The following TMEM178B variants were observed in gnomAD, a reference collection of about 807,000 sequenced individuals.
TMEM178B encodes the protein transmembrane protein 178B.
TMEM178B carries 5 observed loss-of-function variants against 31.0 expected under a neutral mutation model. The observed-to-expected ratio is 0.16, with a 90% CI of 0.08 to 0.34. TMEM178B has a LOEUF of 0.34. Among genes scored for constraint, TMEM178B ranks in the 10% least tolerant of loss-of-function variants. The pLI, the probability that TMEM178B is intolerant of heterozygous loss-of-function variation, is 1.00. For missense variants in TMEM178B, 275 were observed against 400.3 expected (o/e 0.69, Z 2.67); for synonymous variants, 164 against 164.0 (o/e 1.00, Z 0.00).
intron 2 of TMEM178B, among the ~76,000 whole-genome samples, chr7:141,326,960 A>T (rs6978018): frequency 0.14 from 21,626 of 152,140 alleles, 2,125 homozygotes; most frequent in African/African-American, 0.27. Flanking sequence ...CACATTTAAA[A>T]ATAAATAGCC....
chr7:141,074,616 C>T lies in TMEM178B; in HGVS notation c.306C>T (p.Asn102=). 2 of 1,535,144 alleles carry T rather than the reference C, an allele frequency of 1.3e-6. No individual in the cohort carries two copies. Among genetic ancestry groups the T allele is most frequent in the East Asian group, 2.4e-5 (1 of 40,884 alleles). The change falls in exon 1 of 4, where the codon AAC becomes AAT. Residue 102 remains asparagine, a synonymous_variant. Transcript: ENST00000565468. This position sits in a 1 kb window ranked among gnomAD's most constrained non-coding sequence, Gnocchi z 5.1. ...SPADECSRQY[N]STNMGLWRKC... ...CGGACGAGTGCAGCCGGCAGTACAA[C>T]TCCACCAACATGGGCCTCTGGAGGA... is the stretch of plus-strand genomic sequence containing the variant.
intron 1 of TMEM178B, among the ~76,000 whole-genome samples, chr7:141,111,642 C>G (rs560929260): frequency 4.0e-5 from 6 of 151,532 alleles, no homozygotes; most frequent in Admixed American, 1.3e-4. Flanking sequence ...TTGTGTAGAT[C>G]GGAGAAGATG....
chr7:141,463,620 G>A (rs989651842), intron 3 of TMEM178B, among the ~76,000 whole-genome samples: 23 of 152,240 alleles, frequency 1.5e-4, no homozygotes, highest in Admixed American at 2.6e-4. Context: ...TGGGGGAGAT[G>A]CTACTTCCGA....
rs1799038453 is a variant in TMEM178B at position 141,318,195 on chromosome 7, A to G, written c.496+105491A>G. Among the ~76,000 whole-genome samples the G allele has an allele frequency of 6.6e-6, 1 of 152,206 alleles. No homozygotes were observed. The stretch of plus-strand genomic sequence containing the variant: ...TCCATCCATTTGTCCATTCAGTAAC[A>G]GATCATTGAGCCTACAACATGGCGT... On this transcript the variant is annotated intron_variant, in intron 2 of 3. Transcript: ENST00000565468. This position sits in a 1 kb window ranked among gnomAD's most constrained non-coding sequence, Gnocchi z 4.1.
At chr7:141,449,738 T>A (rs868041694) in intron 3 of TMEM178B, among the ~76,000 whole-genome samples, 1 of 152,156 alleles carries the variant, frequency 6.6e-6, no homozygotes, top group African/African-American at 2.4e-5. Flanking sequence ...CAGCCCTCAC[T>A]ATGAGCCGCC....
intron 2 of TMEM178B, among the ~76,000 whole-genome samples, chr7:141,233,898 G>C (rs1489819499): frequency 6.6e-6 from 1 of 152,194 alleles, no homozygotes; most frequent in Non-Finnish European, 1.5e-5. Context: ...AATTACCTGA[G>C]TGGGCTTGCA....
In TMEM178B at chr7:141,131,362, G is replaced by A. The variant is rs189864989; in HGVS notation, c.382+56670G>A. ...AGAGTTCATTAACATACAATAAAAT[G>A]TCCAGATCTGAAGTGTTCTGTTTCA... On this transcript the variant is annotated intron_variant, in intron 1 of 3. Coordinates refer to ENST00000565468, the MANE Select transcript of TMEM178B (RefSeq NM_001195278.2). Among the ~76,000 whole-genome samples, 20 of 152,084 alleles carry A rather than the reference G, an allele frequency of 1.3e-4. No individual in the cohort carries two copies. In the East Asian group the frequency reaches 2.1e-3, roughly 16 times the overall value.
At chr7:141,281,311 G>A (rs920633164) in intron 2 of TMEM178B, among the ~76,000 whole-genome samples, 2 of 148,554 alleles carry the variant, frequency 1.3e-5, no homozygotes, top group South Asian at 4.3e-4. Flanking sequence ...CCACAAGATA[G>A]ATTTTTTTTT....
intron 1 of TMEM178B, among the ~76,000 whole-genome samples, chr7:141,124,569 G>A (rs764404474): frequency 3.9e-5 from 6 of 152,008 alleles, no homozygotes; most frequent in East Asian, 1.9e-4. Flanking sequence ...TCTTATTTTC[G>A]AGATCCCTTC....
chr7:141,386,646 G>GA (rs1292769506), intron 2 of TMEM178B, among the ~76,000 whole-genome samples: 21 of 152,154 alleles, frequency 1.4e-4, no homozygotes, highest in African/African-American at 5.1e-4. Flanking sequence ...ATTCTAGGGG[G>GA]ATGTCATGAG....
chr7:141,424,327 G>T (rs1312697321), intron 2 of TMEM178B, among the ~76,000 whole-genome samples: 1 of 152,188 alleles, frequency 6.6e-6, no homozygotes, highest in Non-Finnish European at 1.5e-5. Flanking sequence ...GCCTGCACTG[G>T]AGCTGCCAAG....
intron 2 of TMEM178B, among the ~76,000 whole-genome samples, chr7:141,383,339 G>A (rs1800362563): frequency 2.0e-5 from 3 of 150,686 alleles, no homozygotes; most frequent in Non-Finnish European, 4.4e-5. Context: ...ATTTACATTA[G>A]GTGTGTCTCC....
At chr7:141,424,156 T>A (rs959813975) in intron 2 of TMEM178B, among the ~76,000 whole-genome samples, 1 of 152,132 alleles carries the variant, frequency 6.6e-6, no homozygotes, top group Admixed American at 6.5e-5. Flanking sequence ...GATTCCGGCA[T>A]GGTCCCAAAG....
chr7:141,344,586 T>TCCTTCCTTCCTTCCTTCCTTCCTC lies in TMEM178B; in HGVS notation c.497-92999_497-92998insCCCTTCCTTCCTTCCTTCCTTCCT, dbSNP rs1563157437. On this transcript the variant is annotated intron_variant, in intron 2 of 3. Coordinates refer to ENST00000565468, the MANE Select transcript of TMEM178B (RefSeq NM_001195278.2). This position sits in a 1 kb window ranked among gnomAD's most constrained non-coding sequence, Gnocchi z 4.1. The stretch of plus-strand genomic sequence containing the variant: ...ATTCCTCCCTCCTCCCTTCCTTCCT[T>TCCTTCCTTCCTTCCTTCCTTCCTC]CCTTCCTTCCTTCCTTCCTTCCTTC... 1.6e-5 allele frequency among the ~76,000 whole-genome samples: 2 copies of TCCTTCCTTCCTTCCTTCCTTCCTC among 121,636 alleles called. No individual in the cohort carries two copies. Among genetic ancestry groups the TCCTTCCTTCCTTCCTTCCTTCCTC allele is most frequent in the African/African-American group, 3.5e-5 (1 of 28,836 alleles). 79.8% of individuals were successfully genotyped at this position (121,636 alleles called of 152,430 possible).
intron 2 of TMEM178B, among the ~76,000 whole-genome samples, chr7:141,233,327 G>A (rs1797476548): frequency 6.6e-6 from 1 of 152,332 alleles, no homozygotes; most frequent in Non-Finnish European, 1.5e-5. Flanking sequence ...GTGGTTGTTA[G>A]GTGCAGGATT....
chr7:141,452,910 C>T (rs1415295498), intron 3 of TMEM178B, among the ~76,000 whole-genome samples: 1 of 152,218 alleles, frequency 6.6e-6, no homozygotes, highest in African/African-American at 2.4e-5. Context: ...TGTCCCCAGC[C>T]TGGGGTTGAA....
At position 141,281,312 on chromosome 7, in the gene TMEM178B, AT is replaced by A. The variant is rs11436194; in HGVS notation, c.496+68618del. On this transcript the variant is annotated intron_variant, in intron 2 of 3. Transcript: ENST00000565468. ...GCCATCAGTGAGACCCACAAGATAG[AT>A]TTTTTTTTTCCTCCTGAAAGCCTCA... Among the ~76,000 whole-genome samples the A allele has an allele frequency of 9.5e-3, 1,435 of 150,986 alleles. 7 individuals are homozygous for A. Among genetic ancestry groups the A allele is most frequent in the Non-Finnish European group, 0.011 (742 of 67,622 alleles).
chr7:141,143,932 C>G (rs1795813256), intron 1 of TMEM178B, among the ~76,000 whole-genome samples: 1 of 152,110 alleles, frequency 6.6e-6, no homozygotes, highest in Admixed American at 6.5e-5. Flanking sequence ...GATCTTTCAT[C>G]TCTTTGGTTA....
In TMEM178B at chr7:141,321,875, A is replaced by G. The variant is rs369957067; in HGVS notation, c.496+109171A>G. Among the ~76,000 whole-genome samples the G allele has an allele frequency of 3.3e-5, 5 of 152,098 alleles. No individual in the cohort carries two copies. The East Asian group carries it at 9.7e-4, about 29-fold the overall frequency. On this transcript the variant is annotated intron_variant, in intron 2 of 3. Transcript: ENST00000565468. ...GAGTCTCACGTGCAACCATGAAGGA[A>G]GATGCTACAGGACCCAGGAGGCTTG...
Sources: allele counts gnomAD v4.1 joint callset (sites outside exome capture counted in the v4.1 genomes callset), GRCh38; gene constraint gnomAD v4.1.1; non-coding constraint Gnocchi (gnomAD v3.1); transcripts MANE v1.5; gene names NCBI Gene and HGNC (gene_info 2026-07-23, HGNC 2026-07-21).